Variants in TRIM66 observed in about 807,000 individuals in gnomAD.
TRIM66 encodes tripartite motif containing 66.
A neutral mutation model predicts 148.2 loss-of-function variants in TRIM66; 99 were observed. The ratio of observed to expected loss-of-function variants is 0.67; its 90% CI spans 0.57 to 0.79. The LOEUF is 0.79. TRIM66 is among the 30% of genes least tolerant of loss of function. The pLI, the probability that TRIM66 is intolerant of heterozygous loss-of-function variation, is 0.00. For synonymous variants in TRIM66, 616 were observed against 635.9 expected, an observed-to-expected ratio of 0.97 and a Z score of 0.47; for missense variants, 1,666 against 1,697.9, an observed-to-expected ratio of 0.98 and a Z score of 0.33.
chr11:8,654,200 C>A (rs1190762277), intron 6 of TRIM66, among the ~76,000 whole-genome samples: 1 of 152,256 alleles, frequency 6.6e-6, no homozygotes, highest in Non-Finnish European at 1.5e-5. Flanking sequence ...AGCCAAAGTC[C>A]TCAGCTTGGC....
intron 3 of TRIM66, among the ~76,000 whole-genome samples, chr11:8,676,448 C>T (rs892000037): frequency 1.3e-5 from 2 of 152,112 alleles, no homozygotes; most frequent in Non-Finnish European, 1.5e-5. Context: ...GACCCCCCAC[C>T]CCATAAGGTC....
At chr11:8,632,625 T>G (rs2035522174) in intron 15 of TRIM66, among the ~76,000 whole-genome samples, 1 of 151,980 alleles carries the variant, frequency 6.6e-6, no homozygotes, top group Non-Finnish European at 1.5e-5. Context: ...GCCCAGCTAA[T>G]TTTTGTATTT....
chr11:8,644,392 G>A (rs770939555), intron 12 of TRIM66: 18 of 451,876 alleles, frequency 4.0e-5, no homozygotes, highest in Non-Finnish European at 7.6e-5. Flanking sequence ...TTACTTTGGT[G>A]CTACTTACCA....
chr11:8,651,994 G>C, intron 6 of TRIM66, 91 bp from the exon 7 acceptor site: 1 of 1,017,078 alleles, frequency 9.8e-7, no homozygotes, highest in Non-Finnish European at 1.4e-6. Context: ...ACAACACCAA[G>C]ATACATGGCA....
Position 8,624,941 on chromosome 11 carries a change from G to A in TRIM66, c.2598C>T (p.Ser866=). 1 of 1,551,688 alleles carries A rather than the reference G, an allele frequency of 6.4e-7. No homozygotes were observed. Among genetic ancestry groups the A allele is most frequent in the Non-Finnish European group, 8.7e-7 (1 of 1,146,978 alleles). The change falls in exon 16 of 25, where the codon TCC becomes TCT. Residue 866 remains serine, a synonymous_variant. Coordinates refer to ENST00000646038, the MANE Select transcript of TRIM66 (RefSeq NM_001388022.1). The part of the protein sequence containing the change: ...FQSMPNLISD[S]PQAMASLASD... ...TTGCCAGGCTTGCCATAGCCTGAGG[G>A]GAGTCACTTATCAGGTTGGGCATGG... is the stretch of plus-strand genomic sequence containing the variant.
intron 14 of TRIM66, 86 bp downstream of exon 14, chr11:8,640,141 G>A: frequency 7.5e-7 from 1 of 1,332,816 alleles, no homozygotes; most frequent in Non-Finnish European, 1.0e-6. Flanking sequence ...CTGTATTCCT[G>A]TGCTGCCTTG....
At position 8,649,756 on chromosome 11, in the gene TRIM66, G is replaced by C. The variant is rs763342266; in HGVS notation, c.576C>G (p.Ala192=). ...PVPGGPFFPR[A]QKGSPGVNGG... ...GATTGGTACCTGGAGATCCCTTCTG[G>C]GCCCGAGGAAAGAATGGGCCCCCGG... The change falls in exon 8 of 25, where the codon GCC becomes GCG. Residue 192 remains alanine, a synonymous_variant. Coordinates refer to ENST00000646038, the MANE Select transcript of TRIM66 (RefSeq NM_001388022.1). 33 of 1,551,390 alleles carry C rather than the reference G, an allele frequency of 2.1e-5. No homozygotes were observed. Among genetic ancestry groups the C allele is most frequent in the Non-Finnish European group, 2.9e-5 (33 of 1,146,986 alleles).
At chr11:8,682,410 G>A (rs2039480482) in intron 1 of TRIM66, 191 bp downstream of exon 1, 1 of 240,574 alleles carries the variant, frequency 4.2e-6, no homozygotes, top group Non-Finnish European at 8.3e-6. Flanking sequence ...GGTGCGCGGG[G>A]CGGCTCAGGG....
chr11:8,665,116 T>TAA (rs1300205089), intron 6 of TRIM66, among the ~76,000 whole-genome samples: 11 of 143,018 alleles, frequency 7.7e-5, no homozygotes, highest in Admixed American at 4.2e-4. Flanking sequence ...CATTTTACTT[T>TAA]AAAAAAAAAA....
In TRIM66 at chr11:8,672,008, T is replaced by G. The variant is rs779079290; in HGVS notation, c.118A>C (p.Met40Leu). ...GGCAGCCCCATAAAGCTCATGCCCA[T>G]GTCCACAGCCATGCCTGTGCCCAGG... ...PVLGTGMAVD[M>L]GMSFMGLPLA... Residue 40 changes from methionine (M) to leucine (L), a missense_variant, in exon 6 of 25, where the codon ATG (methionine) becomes CTG (leucine). Physicochemically the swap from Met to Leu is conservative, Grantham distance 15. Transcript: ENST00000646038. The G allele has an allele frequency of 5.2e-6, 8 of 1,535,942 alleles. No homozygotes were observed. In the South Asian group the frequency reaches 9.5e-5, roughly 18 times the overall value.
intron 15 of TRIM66, among the ~76,000 whole-genome samples, chr11:8,631,457 C>A (rs1162618286): frequency 6.6e-6 from 1 of 152,198 alleles, no homozygotes; most frequent in Non-Finnish European, 1.5e-5. Context: ...TTCTAAAACA[C>A]TTTACACACT....
Position 8,621,767 on chromosome 11 carries a change from T to A in TRIM66, c.3133A>T (p.Ile1045Phe). 1 of 1,551,190 alleles carries A rather than the reference T, an allele frequency of 6.4e-7. No homozygotes were observed. Among genetic ancestry groups the A allele is most frequent in the Non-Finnish European group, 8.7e-7 (1 of 1,146,874 alleles). The stretch of plus-strand genomic sequence containing the variant: ...ATCTCTCCTGAGGAGGCAGCACAGA[T>A]CTTGAGTCGCTCCAGTCGCACATAG... ...IPYVRLERLK[I>F]CAASSGEMPV... The change falls in exon 19 of 25, where the codon ATC becomes TTC. Residue 1045 changes from isoleucine to phenylalanine, a missense_variant. Physicochemically the swap from Ile to Phe is conservative, Grantham distance 21. Transcript: ENST00000646038.
chr11:8,619,606 G>C lies in TRIM66; in HGVS notation c.3748-71C>G, dbSNP rs1179066020. ...AAGAAATGGAGGTGTGGATAAGAAGGAAGAAGAAATGGAAAATGAGGTGAA... is the reference window on the plus strand; with the variant it reads ...AAGAAATGGAGGTGTGGATAAGAAGCAAGAAGAAATGGAAAATGAGGTGAA... On this transcript the variant is annotated intron_variant, in intron 22 of 24. Transcript: ENST00000646038. The C allele has an allele frequency of 8.0e-6, 11 of 1,371,400 alleles. No individual in the cohort carries two copies. The Admixed American group carries it at 2.4e-4, about 30-fold the overall frequency. 85.0% of individuals were successfully genotyped at this position (1,371,400 alleles called of 1,614,324 possible). A position where few individuals can be genotyped will look rare whatever the true frequency, so the allele number is the denominator to read the frequency against.
intron 15 of TRIM66, among the ~76,000 whole-genome samples, chr11:8,635,989 G>A (rs1442542254): frequency 6.6e-6 from 1 of 152,152 alleles, no homozygotes; most frequent in Admixed American, 6.5e-5. Flanking sequence ...TTATATCAAT[G>A]AGCAAATTAT....
In TRIM66 at chr11:8,671,887, G is replaced by C. The variant is rs1415946527; in HGVS notation, c.239C>G (p.Ser80Cys). The change falls in exon 6 of 25, where the codon TCT (serine) becomes TGT (cysteine). Residue 80 changes from serine (S) to cysteine (C), a missense_variant. Physicochemically the swap from Ser to Cys is moderately radical, Grantham distance 112. This residue lies in a region of TRIM66 where 1,431 missense variants were observed against 1,412.4 expected (regional missense o/e 1.01). Coordinates refer to ENST00000646038, the MANE Select transcript of TRIM66 (RefSeq NM_001388022.1). ...CAAATGCTGGCAGGATAGGAGATGA[G>C]AGCCCATACCTGGCAGGTCCTGATG... ...LCHQDLPGMG[S>C]HLLSCQHLLR... is the part of the protein sequence containing the mutation. 2.0e-5 allele frequency: 31 copies of C among 1,536,050 alleles called. No homozygotes were observed. Among genetic ancestry groups the C allele is most frequent in the Non-Finnish European group, 2.6e-5 (30 of 1,146,926 alleles).
At chr11:8,662,037 A>G (rs920691482) in intron 6 of TRIM66, among the ~76,000 whole-genome samples, 5 of 152,178 alleles carry the variant, frequency 3.3e-5, no homozygotes, top group African/African-American at 1.2e-4. Flanking sequence ...CCAGGGCCCT[A>G]GAGAGCCAAT....
rs2036638729 is a variant in TRIM66, at chr11:8,644,091, A to C, written c.1105-965T>G. 3.3e-5 allele frequency among the ~76,000 whole-genome samples: 5 copies of C among 152,320 alleles called. No homozygotes were observed. In the South Asian group the frequency reaches 1.0e-3, roughly 32 times the overall value. On this transcript the variant is annotated intron_variant, in intron 12 of 24. Coordinates refer to ENST00000646038, the MANE Select transcript of TRIM66 (RefSeq NM_001388022.1). ...TAAACTCCAACAACCCACCCTGGTC[A>C]TAACAAGTTCATGCTCTTTCAGAGT...
intron 15 of TRIM66, among the ~76,000 whole-genome samples, chr11:8,632,247 G>T (rs957865654): frequency 6.6e-6 from 1 of 151,962 alleles, no homozygotes. Context: ...GGCAGAGGTT[G>T]CAGTGAGCTG....
intron 6 of TRIM66, among the ~76,000 whole-genome samples, chr11:8,668,893 G>C (rs907045915): frequency 2.0e-5 from 3 of 152,158 alleles, no homozygotes; most frequent in African/African-American, 7.2e-5. Flanking sequence ...GTCCCAAGAT[G>C]GCATATTCCA....
Sources: gnomAD v4.1 joint callset for allele counts (sites outside exome capture counted in the v4.1 genomes callset) on GRCh38, gnomAD v4.1.1 for gene constraint, gnomAD v4.1.1 regional missense constraint, MANE v1.5 for transcripts, NCBI Gene and HGNC (gene_info 2026-07-23, HGNC 2026-07-21) for gene names.